Variants in HYDIN observed in about 807,000 individuals in gnomAD.
The protein encoded by HYDIN is HYDIN axonemal central pair apparatus protein, also known as axonemal central pair apparatus protein HYDIN.
HYDIN carries 132 observed loss-of-function variants against 403.9 expected under a neutral mutation model. That is an observed-to-expected ratio of 0.33 (90% CI 0.28 to 0.38). HYDIN has a LOEUF of 0.38. Ranked by LOEUF, HYDIN falls within the 10% of genes least tolerant of loss-of-function variation. The pLI, the probability that HYDIN is intolerant of heterozygous loss-of-function variation, is 1.00. For synonymous variants in HYDIN, 1,202 were observed against 1,891.7 expected (o/e 0.64, Z 9.46); for missense variants, 2,827 against 5,009.5 (o/e 0.56, Z 13.15).
At chr16:71,156,170 G>A (rs1220953180) in intron 6 of HYDIN, among the ~76,000 whole-genome samples, 1 of 152,018 alleles carries the variant, frequency 6.6e-6, no homozygotes, top group African/African-American at 2.4e-5. Context: ...TACAGAAAAA[G>A]TGATACTAGT....
rs545536946 is a variant in HYDIN at position 71,117,682 on chromosome 16, C to T, written c.1228-1887G>A. On this transcript the variant is annotated intron_variant, in intron 9 of 85. Transcript: ENST00000393567. ...AAAGACAACTTGATAAATAATTAGG[C>T]TCCAGCTCCAGACAGTCCCTGGTGC... Among the ~76,000 whole-genome samples the T allele has an allele frequency of 1.0e-3, 155 of 151,940 alleles. 1 individual carries two copies. In the East Asian group the frequency reaches 0.018, roughly 18 times the overall value.
intron 41 of HYDIN, among the ~76,000 whole-genome samples, chr16:70,951,285 A>G (rs2078065748): frequency 1.3e-5 from 2 of 151,026 alleles, no homozygotes; most frequent in African/African-American, 4.9e-5. Context: ...AGAGAGGGAG[A>G]GAGGGAGAGA....
At chr16:71,211,183 A>C (rs371416774) in intron 1 of HYDIN, among the ~76,000 whole-genome samples, 3 of 152,112 alleles carry the variant, frequency 2.0e-5, no homozygotes, top group East Asian at 1.9e-4. Flanking sequence ...AGAAAAAGAG[A>C]ATAAAAAGAA....
chr16:71,034,745 T>C (rs908775787), intron 18 of HYDIN, among the ~76,000 whole-genome samples: 9 of 150,850 alleles, frequency 6.0e-5, no homozygotes, highest in African/African-American at 2.2e-4. Context: ...AGGTTTTAAA[T>C]TGTATATAAA....
chr16:70,902,269 A>G (rs572833612), intron 52 of HYDIN, among the ~76,000 whole-genome samples: 1 of 128,104 alleles, frequency 7.8e-6, no homozygotes, highest in Non-Finnish European at 1.7e-5. Flanking sequence ...TTAATCTATT[A>G]TATAAAATAG....
chr16:70,973,159 A>T (rs369829653), intron 35 of HYDIN, among the ~76,000 whole-genome samples, 184 bp downstream of exon 35: 3 of 152,346 alleles, frequency 2.0e-5, no homozygotes, highest in East Asian at 1.9e-4. Flanking sequence ...TGTTAGTCCA[A>T]TGATTCCAGA....
rs370848325 is a variant in HYDIN at position 71,057,718 on chromosome 16, A to G, written c.2529+2786T>C. On this transcript the variant is annotated intron_variant, in intron 18 of 85. Transcript: ENST00000393567. ...CTCATCTGACAAAGGGCTAATATCC[A>G]GAATCTACAATGAACTCAAACAAAT... Among the ~76,000 whole-genome samples the G allele has an allele frequency of 2.5e-3, 384 of 151,706 alleles. 3 individuals are homozygous for G. The highest frequency in any genetic ancestry group is 8.6e-3 in the African/African-American group (357 of 41,400).
intron 59 of HYDIN, among the ~76,000 whole-genome samples, chr16:70,883,139 G>A (rs1451502504): frequency 6.6e-6 from 1 of 152,202 alleles, no homozygotes; most frequent in East Asian, 1.9e-4. Context: ...GATCTGGGGT[G>A]TGCTATGGAG....
At chr16:71,038,657 T>A (rs188441272) in intron 18 of HYDIN, among the ~76,000 whole-genome samples, 346 of 152,262 alleles carry the variant, frequency 2.3e-3, no homozygotes, top group African/African-American at 7.6e-3. Context: ...GGCATTTCTC[T>A]TTTTTTAAAA....
intron 42 of HYDIN, among the ~76,000 whole-genome samples, chr16:70,942,559 T>C (rs371602736): frequency 2.0e-5 from 3 of 152,256 alleles, no homozygotes; most frequent in African/African-American, 7.2e-5. Context: ...ACAGTAACCA[T>C]TGAAGAACAG....
chr16:70,837,846 G>A lies in HYDIN; in HGVS notation c.13086C>T (p.Asn4362=). 6.2e-7 allele frequency: 1 copy of A among 1,613,992 alleles called. No individual in the cohort carries two copies. The highest frequency in any genetic ancestry group is 8.5e-7 in the Non-Finnish European group (1 of 1,179,858). ...CTGGCTTTACCACATCAACACGGGA[G>A]TTCACCTCGAGGTGAGTGGTGTTGG... The part of the protein sequence containing the change: ...LYTNTTHLEV[N]SRVDVVKPGN... Residue 4362 remains asparagine (N), a synonymous_variant, in exon 77 of 86, where the codon AAC becomes AAT. Coordinates refer to ENST00000393567, the MANE Select transcript of HYDIN (RefSeq NM_001270974.2).
chr16:70,974,282 T>A lies in HYDIN; in HGVS notation c.4928A>T (p.Asp1643Val). The A allele has an allele frequency of 6.2e-7, 1 of 1,612,384 alleles. No homozygotes were observed. The highest frequency in any genetic ancestry group is 1.1e-5 in the South Asian group (1 of 90,672). Residue 1643 changes from aspartate to valine, a missense_variant, in exon 33 of 86, where the codon GAT becomes GTT. Coordinates refer to ENST00000393567, the MANE Select transcript of HYDIN (RefSeq NM_001270974.2). ...LHETGFSTELDRVKNLPHCET... is the reference protein window; with the variant it reads ...LHETGFSTELVRVKNLPHCET... ...ACAATGAGGTAGATTCTTTACACGA[T>A]CTAGCTCAGTACTGAATCCTGGACC...
At position 71,172,276 on chromosome 16, in the gene HYDIN, G is replaced by A. The variant is rs16973700; in HGVS notation, c.516+3331C>T. Among the ~76,000 whole-genome samples, 914 of 152,176 alleles carry A rather than the reference G, an allele frequency of 6.0e-3. 6 individuals are homozygous for A. Among genetic ancestry groups the A allele is most frequent in the Middle Eastern group, 0.02 (6 of 294 alleles). ...TTCTTCAAAGCTTGCTGCCTTTTCCGTATGACAACACATTGCAAACAGATG... is the reference window on the plus strand; with the variant it reads ...TTCTTCAAAGCTTGCTGCCTTTTCCATATGACAACACATTGCAAACAGATG... On this transcript the variant is annotated intron_variant, in intron 5 of 85. Transcript: ENST00000393567.
Position 70,924,049 on chromosome 16 carries a change from AAGAT to A in HYDIN, c.7159-2836_7159-2833del, listed in dbSNP as rs1412546588. On this transcript the variant is annotated intron_variant, in intron 45 of 85. Coordinates refer to ENST00000393567, the MANE Select transcript of HYDIN (RefSeq NM_001270974.2). ...AACAGAAATAATGGAAGAGGTTAAA[AAGAT>A]AGTAAGACAAAACCATTAATTTCCT... is the stretch of plus-strand genomic sequence containing the variant. 5.3e-5 allele frequency among the ~76,000 whole-genome samples: 8 copies of A among 150,532 alleles called. No individual in the cohort carries two copies. The East Asian group carries it at 1.6e-3, about 29-fold the overall frequency.
intron 12 of HYDIN, chr16:71,080,954 T>C (rs2082767747): frequency 6.6e-6 from 1 of 152,118 alleles, no homozygotes; most frequent in African/African-American, 2.4e-5. Context: ...AATCCAGGAA[T>C]GTGAGCCGCC....
In HYDIN at chr16:70,884,034, C is replaced by G; in HGVS notation, c.9865G>C (p.Ala3289Pro). 6.2e-7 allele frequency: 1 copy of G among 1,614,128 alleles called. No individual in the cohort carries two copies. The highest frequency in any genetic ancestry group is 8.5e-7 in the Non-Finnish European group (1 of 1,180,016). Residue 3289 changes from alanine to proline, a missense_variant, in exon 59 of 86, where the codon GCT becomes CCT. Ala to Pro is a conservative substitution (Grantham distance 27). Coordinates refer to ENST00000393567, the MANE Select transcript of HYDIN (RefSeq NM_001270974.2). ...TCCTCACACTTTCCCATGGCGTCAGCCACACAGTCAACGTTGATGACCTGC... is the reference window on the plus strand; with the variant it reads ...TCCTCACACTTTCCCATGGCGTCAGGCACACAGTCAACGTTGATGACCTGC... ...GQQVINVDCV[A>P]DAMGKCEEFI...
At chr16:70,907,263 G>C in intron 50 of HYDIN, 109 bp downstream of exon 50, 1 of 534,820 alleles carries the variant, frequency 1.9e-6, no homozygotes, top group Non-Finnish European at 3.4e-6. Flanking sequence ...GGGGCTAAGA[G>C]AGGCAGCATT....
intron 41 of HYDIN, among the ~76,000 whole-genome samples, chr16:70,951,430 C>T (rs531995518): frequency 6.6e-6 from 1 of 152,196 alleles, no homozygotes; most frequent in Non-Finnish European, 1.5e-5. Context: ...CCACTCCCCT[C>T]GAGCATGCTC....
intron 41 of HYDIN, among the ~76,000 whole-genome samples, chr16:70,946,639 G>C (rs991459629): frequency 2.0e-5 from 3 of 152,182 alleles, no homozygotes; most frequent in African/African-American, 4.8e-5. Flanking sequence ...GTGCTAGGTA[G>C]TGAGGATGAG....
Sources: allele counts gnomAD v4.1 joint callset (sites outside exome capture counted in the v4.1 genomes callset), GRCh38; gene constraint gnomAD v4.1.1; transcripts MANE v1.5; gene names NCBI Gene and HGNC (gene_info 2026-07-23, HGNC 2026-07-21).